Variants in HDAC9 observed in about 807,000 individuals in gnomAD.
HDAC9 encodes histone deacetylase 9.
Under a neutral mutation model 139.4 loss-of-function variants are expected in HDAC9, and 41 were observed. The ratio of observed to expected loss-of-function variants is 0.29; its 90% CI spans 0.23 to 0.38. The LOEUF (loss-of-function observed/expected upper bound fraction) is 0.38. Among genes scored for constraint, HDAC9 ranks in the 10% least tolerant of loss-of-function variants. The probability of loss-of-function intolerance (pLI) is 1.00; values close to 1 mark genes in which losing one functional copy is unlikely to be tolerated. For missense variants in HDAC9, 1,147 were observed against 1,297.0 expected, an observed-to-expected ratio of 0.88 and a Z score of 1.78; for synonymous variants, 517 against 476.2, an observed-to-expected ratio of 1.09 and a Z score of -1.12.
At chr7:18,560,979 C>T (rs1454708006) in intron 2 of HDAC9, among the ~76,000 whole-genome samples, 9 of 152,016 alleles carry the variant, frequency 5.9e-5, no homozygotes, top group Non-Finnish European at 1.0e-4. Context: ...AAGACACTGG[C>T]GCCTTTGAAG....
chr7:18,613,546 G>T (rs1182220845), intron 6 of HDAC9, among the ~76,000 whole-genome samples: 1 of 151,908 alleles, frequency 6.6e-6, no homozygotes, highest in Non-Finnish European at 1.5e-5. Flanking sequence ...CCTAAACAAT[G>T]AAATAGAAAA....
intron 12 of HDAC9, among the ~76,000 whole-genome samples, chr7:18,686,615 T>C (rs1782291202): frequency 6.6e-6 from 1 of 151,956 alleles, no homozygotes; most frequent in African/African-American, 2.4e-5. Context: ...CCTTCACCTC[T>C]TAGAATATCT....
At chr7:18,805,434 C>T (rs1161100611) in intron 17 of HDAC9, among the ~76,000 whole-genome samples, 3 of 152,160 alleles carry the variant, frequency 2.0e-5, no homozygotes, top group Non-Finnish European at 2.9e-5. Flanking sequence ...GCTGGCTGAA[C>T]GTGCCCATGT....
At chr7:18,488,226 G>A (rs890357230) in intron 1 of HDAC9, among the ~76,000 whole-genome samples, 2 of 151,944 alleles carry the variant, frequency 1.3e-5, no homozygotes, top group African/African-American at 4.8e-5. Flanking sequence ...GTCAACATAG[G>A]ATGGGTTAGT....
chr7:18,183,293 G>A (rs933358535), intron 2 of HDAC9, among the ~76,000 whole-genome samples: 2 of 152,212 alleles, frequency 1.3e-5, no homozygotes, highest in East Asian at 1.9e-4. Flanking sequence ...ACAGGCGTGA[G>A]CCACGGCGCC....
At chr7:18,422,949 G>T (rs1789782523) in intron 1 of HDAC9, among the ~76,000 whole-genome samples, 2 of 152,144 alleles carry the variant, frequency 1.3e-5, no homozygotes, top group African/African-American at 4.8e-5. Flanking sequence ...TCCAAGGTAT[G>T]CCCTTAAAGT....
chr7:18,820,243 T>C (rs936474262), intron 17 of HDAC9, among the ~76,000 whole-genome samples: 32 of 152,154 alleles, frequency 2.1e-4, no homozygotes, highest in African/African-American at 7.5e-4. Context: ...AAACAGTAAA[T>C]TAATTATTTA....
intron 3 of HDAC9, among the ~76,000 whole-genome samples, chr7:18,586,463 C>A (rs990968173): frequency 2.6e-5 from 4 of 151,990 alleles, no homozygotes; most frequent in East Asian, 3.9e-4. Context: ...ATTATGTTAT[C>A]TCATACTTTA....
intron 2 of HDAC9, among the ~76,000 whole-genome samples, chr7:18,497,631 T>C (rs550103387): frequency 1.3e-5 from 2 of 152,172 alleles, no homozygotes; most frequent in Non-Finnish European, 2.9e-5. Flanking sequence ...TTTATTCTTA[T>C]AGCTGCAAAG....
At chr7:18,226,963 A>T (rs988440991) in intron 2 of HDAC9, among the ~76,000 whole-genome samples, 1 of 152,186 alleles carries the variant, frequency 6.6e-6, no homozygotes, top group African/African-American at 2.4e-5. Context: ...ATTTGGAGGG[A>T]AGCAAAGCTA....
intron 1 of HDAC9, among the ~76,000 whole-genome samples, chr7:18,138,079 T>C (rs1248747237): frequency 1.3e-5 from 2 of 152,250 alleles, no homozygotes; most frequent in Non-Finnish European, 2.9e-5. Flanking sequence ...CTAGATTTTC[T>C]AGTTTATTTG....
intron 2 of HDAC9, among the ~76,000 whole-genome samples, chr7:18,194,897 A>G (rs2128154121): frequency 6.6e-6 from 1 of 152,154 alleles, no homozygotes; most frequent in Non-Finnish European, 1.5e-5. Context: ...GAAATTATCT[A>G]TTAAGGTTAT....
chr7:18,755,726 T>A (rs1788817566), intron 14 of HDAC9, among the ~76,000 whole-genome samples: 1 of 152,084 alleles, frequency 6.6e-6, no homozygotes, highest in South Asian at 2.1e-4. Flanking sequence ...AGAGAGTATA[T>A]ATGCTCGTCA....
intron 22 of HDAC9, among the ~76,000 whole-genome samples, chr7:18,895,412 G>C (rs1801094441): frequency 6.6e-6 from 1 of 152,092 alleles, no homozygotes; most frequent in Non-Finnish European, 1.5e-5. Flanking sequence ...CAGTGTGGCA[G>C]TAAAGAGAGT....
intron 1 of HDAC9, among the ~76,000 whole-genome samples, chr7:18,312,810 A>G (rs1799402881): frequency 6.6e-6 from 1 of 152,114 alleles, no homozygotes; most frequent in Non-Finnish European, 1.5e-5. Context: ...GCCCTAGACA[A>G]TCTTCTCTTG....
intron 17 of HDAC9, among the ~76,000 whole-genome samples, chr7:18,803,847 C>T (rs576431585): frequency 6.6e-6 from 1 of 152,120 alleles, no homozygotes; most frequent in African/African-American, 2.4e-5. Context: ...TGATATATCC[C>T]TTGCAATAGA....
chr7:18,133,236 T>C (rs1187952736), intron 1 of HDAC9, among the ~76,000 whole-genome samples: 5 of 152,158 alleles, frequency 3.3e-5, no homozygotes, highest in African/African-American at 4.8e-5. Flanking sequence ...CCATGGCATA[T>C]CAGTAAAATA....
intron 16 of HDAC9, among the ~76,000 whole-genome samples, chr7:18,770,678 C>T (rs1790213099): frequency 6.6e-6 from 1 of 152,160 alleles, no homozygotes; most frequent in Non-Finnish European, 1.5e-5. Flanking sequence ...TCCCCTGATA[C>T]ACTTAGAGAA....
intron 12 of HDAC9, among the ~76,000 whole-genome samples, chr7:18,705,882 AAG>A (rs1387299581): frequency 4.0e-5 from 6 of 150,340 alleles, no homozygotes; most frequent in Non-Finnish European, 5.9e-5. Context: ...AATAAAATAA[AAG>A]AAATGGTTCA....
Sources: allele counts gnomAD v4.1 joint callset (sites outside exome capture counted in the v4.1 genomes callset), GRCh38; gene constraint gnomAD v4.1.1; transcripts MANE v1.5; gene names NCBI Gene and HGNC (gene_info 2026-07-23, HGNC 2026-07-21).